The following ZNF536 variants were observed in gnomAD, a reference collection of about 807,000 sequenced individuals.
The protein encoded by ZNF536 is zinc finger protein 536.
Under a neutral mutation model 84.5 loss-of-function variants are expected in ZNF536, and 13 were observed. That is an observed-to-expected ratio of 0.15 (90% CI 0.10 to 0.24). The LOEUF (loss-of-function observed/expected upper bound fraction) is 0.24. Ranked by LOEUF, ZNF536 falls within the 10% of genes least tolerant of loss-of-function variation. ZNF536 has a pLI of 1.00. For missense variants in ZNF536, 1,536 were observed against 1,747.5 expected, an observed-to-expected ratio of 0.88 and a Z score of 2.16; for synonymous variants, 811 against 742.5, an observed-to-expected ratio of 1.09 and a Z score of -1.50.
At chr19:30,318,294 A>T (rs1195037574) in intron 2 of ZNF536, among the ~76,000 whole-genome samples, 1 of 152,210 alleles carries the variant, frequency 6.6e-6, no homozygotes, top group Non-Finnish European at 1.5e-5. Flanking sequence ...AGATGGGGTG[A>T]TATCAAACCT....
chr19:30,286,362 A>G lies in ZNF536; in HGVS notation c.-120+2221A>G, dbSNP rs73924293. 9.6e-3 allele frequency among the ~76,000 whole-genome samples: 1,468 copies of G among 152,300 alleles called. 29 individuals carry two copies. The highest frequency in any genetic ancestry group is 0.034 in the African/African-American group (1,402 of 41,554). On this transcript the variant is annotated intron_variant, in intron 2 of 5. Coordinates refer to the ZNF536 transcript ENST00000585628. ...GTCCTCACAGCCCCAGAGACCTTCA[A>G]CAGAAAAATAAATGGGAAGAAACAG...
intron 1 of ZNF536, among the ~76,000 whole-genome samples, chr19:30,576,745 C>T (rs554938271): frequency 1.3e-5 from 2 of 152,298 alleles, no homozygotes; most frequent in Admixed American, 6.5e-5. Flanking sequence ...CCTGCAAATC[C>T]ACCTGGTCCA....
rs4805533 is a variant in ZNF536, at chr19:30,251,694, C to A, written c.-190+23021C>A. Among the ~76,000 whole-genome samples, 6,340 of 152,122 alleles carry A rather than the reference C, an allele frequency of 0.042. 810 individuals are homozygous for A. In the East Asian group the frequency reaches 0.43, roughly 10 times the overall value. ...GTGCGCCCATCTCCTGAGCAGTACACACTGCACACAATTTGTAGTCTTTTA... is the reference window on the plus strand; with the variant it reads ...GTGCGCCCATCTCCTGAGCAGTACAAACTGCACACAATTTGTAGTCTTTTA... On this transcript the variant is annotated intron_variant, in intron 1 of 5. Transcript: ENST00000585628.
intron 1 of ZNF536, among the ~76,000 whole-genome samples, chr19:30,608,588 A>G (rs2047979591): frequency 6.6e-6 from 1 of 152,168 alleles, no homozygotes; most frequent in African/African-American, 2.4e-5. Context: ...AGAATGAGCC[A>G]TATTGGTTGA....
At chr19:30,559,720 T>C (rs2046090791), downstream of ZNF536, among the ~76,000 whole-genome samples, 1 of 152,120 alleles carries the variant, frequency 6.6e-6, no homozygotes. Flanking sequence ...AGGGAGAGGC[T>C]GCTGAAGGGA....
chr19:30,242,612 A>C (rs1445892378), intron 1 of ZNF536, among the ~76,000 whole-genome samples: 1 of 152,210 alleles, frequency 6.6e-6, no homozygotes. Context: ...TACTTTACTT[A>C]GGACCTGACC....
chr19:30,304,245 ATCT>A, intron 2 of ZNF536, among the ~76,000 whole-genome samples: 1 of 152,162 alleles, frequency 6.6e-6, no homozygotes, highest in South Asian at 2.1e-4. Flanking sequence ...CCGCATTTGC[ATCT>A]TCATCTCAGG....
chr19:30,534,874 C>T lies in ZNF536; in HGVS notation c.2198C>T (p.Ala733Val), dbSNP rs775410260. The T allele has an allele frequency of 7.4e-6, 12 of 1,613,232 alleles. No homozygotes were observed. In the South Asian group the frequency reaches 1.3e-4, roughly 18 times the overall value. ...ATTGGCGAGGAGGCTGGGAGATCTGCCGGCGTCCAGCAACCAGCGCTGCTT... is the reference window on the plus strand; with the variant it reads ...ATTGGCGAGGAGGCTGGGAGATCTGTCGGCGTCCAGCAACCAGCGCTGCTT... ...SDIGEEAGRS[A>V]GVQQPALLRD... The change falls in exon 3 of 5, where the codon GCC (alanine) becomes GTC (valine). Residue 733 changes from alanine to valine, a missense_variant. This residue lies in a region of ZNF536 where 148 missense variants were observed against 205.4 expected (regional missense o/e 0.72). Coordinates refer to ENST00000355537, the MANE Select transcript of ZNF536 (RefSeq NM_014717.3).
intron 1 of ZNF536, among the ~76,000 whole-genome samples, chr19:30,230,545 G>T (rs1355009039): frequency 6.6e-6 from 1 of 152,182 alleles, no homozygotes; most frequent in Non-Finnish European, 1.5e-5. Context: ...GGGAGCGACA[G>T]TCACGCTGTT....
At chr19:30,635,276 C>T (rs984880830) in intron 1 of ZNF536, among the ~76,000 whole-genome samples, 1 of 152,240 alleles carries the variant, frequency 6.6e-6, no homozygotes, top group Non-Finnish European at 1.5e-5. Flanking sequence ...AGTGTTGGCA[C>T]AGCCCTTCTG....
At chr19:30,251,792 C>G (rs2024626471) in intron 1 of ZNF536, among the ~76,000 whole-genome samples, 2 of 152,198 alleles carry the variant, frequency 1.3e-5, no homozygotes, top group Non-Finnish European at 2.9e-5. Context: ...CCTTTGCATC[C>G]TCATAGCTTA....
chr19:30,505,999 A>AT (rs892184461), intron 2 of ZNF536, among the ~76,000 whole-genome samples: 6 of 151,104 alleles, frequency 4.0e-5, no homozygotes, highest in Non-Finnish European at 7.4e-5. Context: ...TCATCTGTTG[A>AT]TTTTTTTTAG....
intron 1 of ZNF536, among the ~76,000 whole-genome samples, chr19:30,274,298 C>A (rs1460421137): frequency 6.6e-6 from 1 of 152,230 alleles, no homozygotes; most frequent in African/African-American, 2.4e-5. Context: ...AGCTCAGAAT[C>A]TGCACTGCAC....
intron 1 of ZNF536, among the ~76,000 whole-genome samples, chr19:30,423,796 C>A (rs907899898): frequency 8.3e-6 from 1 of 120,794 alleles, no homozygotes; most frequent in Non-Finnish European, 1.7e-5. Flanking sequence ...GCAGCTGTGG[C>A]GGGGAACGGG....
intron 1 of ZNF536, among the ~76,000 whole-genome samples, chr19:30,264,435 G>A (rs1013674200): frequency 3.3e-5 from 5 of 149,806 alleles, no homozygotes; most frequent in East Asian, 2.0e-4. Context: ...GTGTGTATTC[G>A]TGTGCACGCA....
intron 1 of ZNF536, among the ~76,000 whole-genome samples, chr19:30,427,823 C>T (rs75608758): frequency 0.042 from 6,436 of 152,198 alleles, 248 homozygotes; most frequent in African/African-American, 0.097. Context: ...GGCCACTTGA[C>T]CTCCTTCCCG....
At chr19:30,321,166 C>A (rs2046843035) in intron 2 of ZNF536, among the ~76,000 whole-genome samples, 1 of 152,198 alleles carries the variant, frequency 6.6e-6, no homozygotes, top group Admixed American at 6.5e-5. Flanking sequence ...AATCCACCTG[C>A]CCCAGGCTCA....
At chr19:30,585,495 G>C (rs2047065324) in intron 1 of ZNF536, among the ~76,000 whole-genome samples, 1 of 152,196 alleles carries the variant, frequency 6.6e-6, no homozygotes, top group East Asian at 1.9e-4. Flanking sequence ...CCATGACTGT[G>C]GCCCTGGTGG....
In ZNF536 at chr19:30,445,778, T is replaced by C. The variant is rs1273893407; in HGVS notation, c.2170+46T>C. The C allele has an allele frequency of 2.0e-6, 3 of 1,515,450 alleles. No individual in the cohort carries two copies. Among genetic ancestry groups the C allele is most frequent in the East Asian group, 2.3e-5 (1 of 43,952 alleles). 93.9% of individuals were successfully genotyped at this position (1,515,450 alleles called of 1,614,324 possible). A position where few individuals can be genotyped will look rare whatever the true frequency, so the allele number is the denominator to read the frequency against. ...GGAGAAGCAGCTTGTACAGCAGCCC[T>C]GCTCAGGGCTGCCTGGTTCTGCTCC... is the stretch of plus-strand genomic sequence containing the variant. On this transcript the variant is annotated intron_variant, in intron 2 of 4. Transcript: ENST00000355537. This position sits in a 1 kb window ranked among gnomAD's most constrained non-coding sequence, Gnocchi z 4.5.
Sources: allele counts gnomAD v4.1 joint callset (sites outside exome capture counted in the v4.1 genomes callset), GRCh38; gene constraint gnomAD v4.1.1; regional missense constraint gnomAD v4.1.1; non-coding constraint Gnocchi (gnomAD v3.1); transcripts MANE v1.5; gene names NCBI Gene and HGNC (gene_info 2026-07-23, HGNC 2026-07-21).